Variants in SUGCT observed in about 807,000 individuals in gnomAD.
The protein encoded by SUGCT is succinyl-CoA:glutarate CoA-transferase.
Under a neutral mutation model 55.0 loss-of-function variants are expected in SUGCT, and 41 were observed. The ratio of observed to expected loss-of-function variants is 0.74; its 90% CI spans 0.58 to 0.97. SUGCT has a LOEUF of 0.97. SUGCT is among the 50% of genes least tolerant of loss of function. The pLI is 0.00. For synonymous variants in SUGCT, 187 were observed against 200.4 expected, an observed-to-expected ratio of 0.93 and a Z score of 0.56; for missense variants, 568 against 547.8, an observed-to-expected ratio of 1.04 and a Z score of -0.37.
chr7:40,453,418 T>C (rs931100518), intron 10 of SUGCT, among the ~76,000 whole-genome samples: 2 of 152,216 alleles, frequency 1.3e-5, no homozygotes, highest in Admixed American at 6.5e-5. Context: ...GACAAAGCAA[T>C]CCTTGATGTT....
chr7:40,135,883 C>T (rs1156402825), intron 1 of SUGCT, among the ~76,000 whole-genome samples: 2 of 152,166 alleles, frequency 1.3e-5, no homozygotes, highest in Non-Finnish European at 2.9e-5. Flanking sequence ...TCTCGAATTC[C>T]TGACCTCAAG....
chr7:40,692,750 A>G (rs79093570), intron 12 of SUGCT, among the ~76,000 whole-genome samples: 4,301 of 152,298 alleles, frequency 0.028, 216 homozygotes, highest in African/African-American at 0.098. Context: ...TTAAAAACTC[A>G]GCAAGAACCT....
At chr7:40,460,423 A>G (rs980606506) in intron 11 of SUGCT, among the ~76,000 whole-genome samples, 3 of 152,188 alleles carry the variant, frequency 2.0e-5, no homozygotes, top group Admixed American at 1.3e-4. Context: ...TTTTCTCCAC[A>G]TGAGAAGTGC....
At chr7:40,179,895 C>T (rs887262472) in intron 1 of SUGCT, among the ~76,000 whole-genome samples, 1 of 152,140 alleles carries the variant, frequency 6.6e-6, no homozygotes, top group Non-Finnish European at 1.5e-5. Context: ...CCAGTGCCAA[C>T]GTGGGAGGAG....
chr7:40,292,140 A>T (rs1216753801), intron 8 of SUGCT, among the ~76,000 whole-genome samples: 1 of 152,216 alleles, frequency 6.6e-6, no homozygotes, highest in East Asian at 1.9e-4. Context: ...TATATACCAT[A>T]TGTATATACA....
At chr7:40,450,269 A>G (rs937283706) in intron 10 of SUGCT, among the ~76,000 whole-genome samples, 1 of 152,072 alleles carries the variant, frequency 6.6e-6, no homozygotes, top group Admixed American at 6.6e-5. Context: ...TATATTAGTT[A>G]TCAAGACTTT....
chr7:40,359,981 A>G (rs1445016076), intron 9 of SUGCT, among the ~76,000 whole-genome samples: 1 of 152,142 alleles, frequency 6.6e-6, no homozygotes, highest in African/African-American at 2.4e-5. Context: ...TTTATTACCC[A>G]CTGCATAGCC....
intron 9 of SUGCT, among the ~76,000 whole-genome samples, chr7:40,345,600 A>G (rs915685555): frequency 6.6e-6 from 1 of 151,866 alleles, no homozygotes; most frequent in South Asian, 2.1e-4. Flanking sequence ...TTTGCCATTC[A>G]CCTGTTGAAT....
chr7:40,677,980 G>C (rs1370723013), intron 12 of SUGCT, among the ~76,000 whole-genome samples: 1 of 152,184 alleles, frequency 6.6e-6, no homozygotes, highest in Non-Finnish European at 1.5e-5. Flanking sequence ...TGGCCAGCTT[G>C]ACCTGGCTAT....
intron 12 of SUGCT, among the ~76,000 whole-genome samples, chr7:40,636,550 T>C (rs1421168403): frequency 6.6e-6 from 1 of 152,216 alleles, no homozygotes; most frequent in African/African-American, 2.4e-5. Flanking sequence ...TTAAAAGCAC[T>C]GTAGTCCTTA....
chr7:40,248,843 A>AT (rs1378695934), intron 7 of SUGCT, among the ~76,000 whole-genome samples: 2 of 152,136 alleles, frequency 1.3e-5, no homozygotes, highest in African/African-American at 4.8e-5. Flanking sequence ...ATCTATGCAA[A>AT]TAAACAAGTA....
the SUGCT span, among the ~76,000 whole-genome samples, chr7:40,908,348 A>G: frequency 6.9e-6 from 1 of 145,758 alleles, no homozygotes; most frequent in Non-Finnish European, 1.5e-5. Context: ...ACGCCACTGC[A>G]TTCCAACCTG....
rs190729694 is a variant in SUGCT at position 40,260,776 on chromosome 7, C to T, written c.577-13737C>T. Among the ~76,000 whole-genome samples, 292 of 152,166 alleles carry T rather than the reference C, an allele frequency of 1.9e-3. 1 individual carries two copies. Among genetic ancestry groups the T allele is most frequent in the Admixed American group, 4.0e-3 (61 of 15,286 alleles). On this transcript the variant is annotated intron_variant, in intron 7 of 13. Coordinates refer to ENST00000335693, the MANE Select transcript of SUGCT (RefSeq NM_001193313.2). Reference sequence around the variant, plus strand: ...AAGGGATTCTCATGCCTCAGCCTCCCGAGTAGCTGGGACTACAGGTGTGCG... The same window carrying T: ...AAGGGATTCTCATGCCTCAGCCTCCTGAGTAGCTGGGACTACAGGTGTGCG...
chr7:40,313,884 T>A (rs4236365), intron 8 of SUGCT, among the ~76,000 whole-genome samples: 2 of 152,076 alleles, frequency 1.3e-5, no homozygotes, highest in Non-Finnish European at 2.9e-5. Context: ...GAGCCACTGC[T>A]CCTGGCCCAC....
the SUGCT span, among the ~76,000 whole-genome samples, chr7:41,016,017 C>T: frequency 6.6e-6 from 1 of 152,232 alleles, no homozygotes; most frequent in Non-Finnish European, 1.5e-5. Context: ...TTTTGAAGGA[C>T]TGATGTTTCA....
chr7:40,599,779 C>T (rs1421711542), intron 12 of SUGCT, among the ~76,000 whole-genome samples: 2 of 152,274 alleles, frequency 1.3e-5, no homozygotes, highest in African/African-American at 4.8e-5. Flanking sequence ...TTCTTATTTT[C>T]CTCACTCTAG....
At chr7:40,159,691 C>T (rs1021680965) in intron 1 of SUGCT, among the ~76,000 whole-genome samples, 18 of 152,090 alleles carry the variant, frequency 1.2e-4, no homozygotes, top group African/African-American at 4.1e-4. Flanking sequence ...TTATAGCTAT[C>T]CTCAGAGGAG....
the SUGCT span, among the ~76,000 whole-genome samples, chr7:40,972,167 T>C: frequency 6.6e-6 from 1 of 152,224 alleles, no homozygotes; most frequent in Non-Finnish European, 1.5e-5. Context: ...TGTTATTTTA[T>C]TTCCATGTCA....
chr7:40,910,165 A>G, the SUGCT span, among the ~76,000 whole-genome samples: 5 of 151,784 alleles, frequency 3.3e-5, no homozygotes, highest in Admixed American at 6.6e-5. Context: ...CACACAAAGA[A>G]GGATTCTCTG....
Sources: gnomAD v4.1 joint callset for allele counts (sites outside exome capture counted in the v4.1 genomes callset) on GRCh38, gnomAD v4.1.1 for gene constraint, MANE v1.5 for transcripts, NCBI Gene and HGNC (gene_info 2026-07-23, HGNC 2026-07-21) for gene names.